Variants in GRAMD1C observed in about 807,000 individuals in gnomAD.
GRAMD1C encodes protein Aster-C.
GRAMD1C carries 89 observed loss-of-function variants against 97.8 expected under a neutral mutation model. That is an observed-to-expected ratio of 0.91 (90% CI 0.77 to 1.09). The LOEUF is 1.09. Among genes scored for constraint, GRAMD1C ranks in the 50% least tolerant of loss-of-function variants. The pLI is 0.00. For synonymous variants in GRAMD1C, 256 were observed against 267.0 expected (o/e 0.96, Z 0.40); for missense variants, 740 against 766.4 (o/e 0.97, Z 0.41).
At position 113,941,847 on chromosome 3, in the gene GRAMD1C, G is replaced by T. The variant is rs554414298; in HGVS notation, c.1908+1502G>T. Among the ~76,000 whole-genome samples the T allele has an allele frequency of 4.6e-5, 7 of 152,004 alleles. No homozygotes were observed. In the South Asian group the frequency reaches 1.5e-3, roughly 32 times the overall value. The stretch of plus-strand genomic sequence containing the variant: ...TTGGCCAGGCTGGTCTTGAGCTCTC[G>T]ACCTCAGGTGATCCTCTCACCTCGG... On this transcript the variant is annotated intron_variant, in intron 17 of 17. Coordinates refer to ENST00000358160, the MANE Select transcript of GRAMD1C (RefSeq NM_017577.5).
intron 15 of GRAMD1C, 41 bp downstream of exon 15, chr3:113,938,184 ATTTATC>A (rs756030399): frequency 3.1e-6 from 3 of 961,780 alleles, no homozygotes; most frequent in Non-Finnish European, 3.1e-6. Flanking sequence ...TTGTTTCAGC[ATTTATC>A]TTTAACTAGT....
upstream of GRAMD1C, among the ~76,000 whole-genome samples, chr3:113,833,850 T>A (rs760288306): frequency 6.6e-6 from 1 of 152,224 alleles, no homozygotes; most frequent in Non-Finnish European, 1.5e-5. Context: ...TTGTTGCTTT[T>A]GTGGAAGTAC....
chr3:113,832,711 T>G (rs1433379999), intron 1 of GRAMD1C, among the ~76,000 whole-genome samples: 1 of 152,200 alleles, frequency 6.6e-6, no homozygotes, highest in African/African-American at 2.4e-5. Context: ...GTATTCTTTG[T>G]TTTATGTGGC....
intron 8 of GRAMD1C, among the ~76,000 whole-genome samples, chr3:113,908,034 C>T (rs544855401): frequency 5.9e-5 from 9 of 152,266 alleles, no homozygotes; most frequent in East Asian, 3.9e-4. Flanking sequence ...ATTGTGTCCT[C>T]GGTCCCAGTT....
At chr3:113,910,677 C>T (rs1936534942) in intron 9 of GRAMD1C, among the ~76,000 whole-genome samples, 1 of 152,130 alleles carries the variant, frequency 6.6e-6, no homozygotes, top group Non-Finnish European at 1.5e-5. Flanking sequence ...GCCAAAATAT[C>T]ACCTTTTATA....
At chr3:113,884,629 GA>G (rs1935381423) in intron 6 of GRAMD1C, among the ~76,000 whole-genome samples, 1 of 152,096 alleles carries the variant, frequency 6.6e-6, no homozygotes, top group Non-Finnish European at 1.5e-5. Context: ...TCAGGAGATC[GA>G]GACCATCCTG....
rs576283956 is a variant in GRAMD1C at position 113,869,267 on chromosome 3, A to G, written c.175-240A>G. ...TCATTTTCCATCGTTTGAGATGATT[A>G]TTTTTGACAGTTTTTTTTCTAGTTA... On this transcript the variant is annotated intron_variant, in intron 2 of 17. Coordinates refer to ENST00000358160, the MANE Select transcript of GRAMD1C (RefSeq NM_017577.5). 4.6e-5 allele frequency among the ~76,000 whole-genome samples: 7 copies of G among 152,142 alleles called. No homozygotes were observed. In the South Asian group the frequency reaches 1.0e-3, roughly 23 times the overall value.
chr3:113,839,021 A>T (rs1385232324), intron 1 of GRAMD1C, 85 bp downstream of exon 1: 2 of 798,516 alleles, frequency 2.5e-6, no homozygotes, highest in East Asian at 3.4e-5. Context: ...ACCTTCTCAG[A>T]TTACAGTTAA....
chr3:113,886,067 G>T, intron 6 of GRAMD1C: 1 of 1,014,692 alleles, frequency 9.9e-7, no homozygotes, highest in Non-Finnish European at 1.4e-6. Flanking sequence ...GGGGTGGGGG[G>T]GCGGGGGGGA....
intron 14 of GRAMD1C, 48 bp downstream of exon 14, chr3:113,936,490 T>C: frequency 3.2e-6 from 4 of 1,255,176 alleles, no homozygotes; most frequent in Non-Finnish European, 4.6e-6. Flanking sequence ...ACTTTAGTTA[T>C]ATGAAGCAGA....
chr3:113,940,286 A>G lies in GRAMD1C; in HGVS notation c.1849A>G (p.Lys617Glu). ...VSRAETIQKN[K>E]DQAHRLKGVL... ...AAGAGCAGAAACTATTCAGAAGAAT[A>G]AAGATCAGGCCCATCGTTTAAAGGG... Residue 617 changes from lysine to glutamate, a missense_variant, in exon 17 of 18, where the codon AAA becomes GAA. Lys to Glu is a moderately conservative substitution (Grantham distance 56). Coordinates refer to ENST00000358160, the MANE Select transcript of GRAMD1C (RefSeq NM_017577.5). 1 of 1,612,164 alleles carries G rather than the reference A, an allele frequency of 6.2e-7. No homozygotes were observed. The highest frequency in any genetic ancestry group is 8.5e-7 in the Non-Finnish European group (1 of 1,178,166).
intron 2 of GRAMD1C, among the ~76,000 whole-genome samples, chr3:113,866,820 T>G (rs1433685093): frequency 6.9e-6 from 1 of 145,908 alleles, no homozygotes; most frequent in African/African-American, 2.5e-5. Flanking sequence ...ATTACTGCTT[T>G]GTAGACCCTT....
At chr3:113,894,325 C>G (rs948049848) in intron 6 of GRAMD1C, among the ~76,000 whole-genome samples, 2 of 151,872 alleles carry the variant, frequency 1.3e-5, no homozygotes, top group Non-Finnish European at 2.9e-5. Context: ...GTTGCCCAGG[C>G]TGGAGTGCAA....
intron 5 of GRAMD1C, among the ~76,000 whole-genome samples, chr3:113,878,174 T>A (rs1577154839): frequency 6.6e-6 from 1 of 152,358 alleles, no homozygotes; most frequent in East Asian, 1.9e-4. Flanking sequence ...AACTGGTGAT[T>A]TCTTACCTTA....
At chr3:113,869,253 C>T (rs1345186871) in intron 2 of GRAMD1C, among the ~76,000 whole-genome samples, 1 of 152,030 alleles carries the variant, frequency 6.6e-6, no homozygotes, top group Non-Finnish European at 1.5e-5. Flanking sequence ...CATTTTCCAT[C>T]GTTTGAGATG....
At chr3:113,829,078 A>G (rs1577104996) in intron 1 of GRAMD1C, among the ~76,000 whole-genome samples, 1 of 152,108 alleles carries the variant, frequency 6.6e-6, no homozygotes, top group Admixed American at 6.6e-5. Flanking sequence ...ATCCTTGCAT[A>G]CATACTTATC....
At chr3:113,884,590 T>C (rs1199576380) in intron 6 of GRAMD1C, among the ~76,000 whole-genome samples, 1 of 152,154 alleles carries the variant, frequency 6.6e-6, no homozygotes, top group Non-Finnish European at 1.5e-5. Context: ...CCCAGCACTT[T>C]GGGAGGCCCA....
chr3:113,844,112 G>T (rs1422721883), intron 1 of GRAMD1C, among the ~76,000 whole-genome samples: 3 of 152,112 alleles, frequency 2.0e-5, no homozygotes, highest in Non-Finnish European at 4.4e-5. Flanking sequence ...ATAGTAGTTG[G>T]AAAATCTTTG....
chr3:113,844,716 C>A, intron 2 of GRAMD1C, 67 bp downstream of exon 2: 2 of 1,101,954 alleles, frequency 1.8e-6, no homozygotes, highest in Non-Finnish European at 1.3e-6. Context: ...TGCAAGGAGT[C>A]ATATAGTATT....
Sources: allele counts gnomAD v4.1 joint callset (sites outside exome capture counted in the v4.1 genomes callset), GRCh38; gene constraint gnomAD v4.1.1; transcripts MANE v1.5; gene names NCBI Gene and HGNC (gene_info 2026-07-23, HGNC 2026-07-21).